The following SLFN12L variants were observed in gnomAD, a reference collection of about 807,000 sequenced individuals.
SLFN12L encodes the protein schlafen family member 12 like.
A neutral mutation model predicts 34.8 loss-of-function variants in SLFN12L; 34 were observed. The observed-to-expected ratio is 0.98, with a 90% CI of 0.74 to 1.30. The LOEUF is 1.30. SLFN12L is among the 50% of genes most tolerant of loss of function. SLFN12L has a pLI of 0.00. For synonymous variants in SLFN12L, 259 were observed against 247.5 expected (o/e 1.05, Z -0.44); for missense variants, 703 against 696.2 (o/e 1.01, Z -0.11).
In SLFN12L at chr17:35,522,615, T is replaced by G; in HGVS notation, c.-251A>C. ...ACGCAGGGTAATCCATCGGAGACAC[T>G]GCAGCCTCCAAAGCCTCTGCGCTGC... On this transcript the variant is annotated 5_prime_UTR_variant, in exon 2 of 5. Transcript: ENST00000628453. The G allele has an allele frequency of 6.2e-7, 1 of 1,611,482 alleles. No individual in the cohort carries two copies.
chr17:35,505,935 A>T (rs918917499), intron 2 of SLFN12L, among the ~76,000 whole-genome samples: 3 of 152,208 alleles, frequency 2.0e-5, no homozygotes, highest in Admixed American at 6.5e-5. Flanking sequence ...ATCAAGTCAC[A>T]GAGGTAGGAC....
intron 2 of SLFN12L, among the ~76,000 whole-genome samples, chr17:35,485,107 GT>G (rs1306811297): frequency 6.6e-6 from 1 of 152,058 alleles, no homozygotes; most frequent in Non-Finnish European, 1.5e-5. Flanking sequence ...TTTTAGTTGA[GT>G]TTTTTCTTTC....
At chr17:35,521,111 C>A (rs1171043435) in intron 2 of SLFN12L, among the ~76,000 whole-genome samples, 1 of 152,188 alleles carries the variant, frequency 6.6e-6, no homozygotes, top group African/African-American at 2.4e-5. Context: ...AAGGGACATT[C>A]TACAAAGTGC....
intron 2 of SLFN12L, among the ~76,000 whole-genome samples, chr17:35,520,467 G>A (rs538860128): frequency 6.6e-6 from 1 of 152,214 alleles, no homozygotes; most frequent in Non-Finnish European, 1.5e-5. Flanking sequence ...TCTACTGGCT[G>A]GGCACGATGG....
At chr17:35,518,707 G>A (rs902253626) in intron 2 of SLFN12L, among the ~76,000 whole-genome samples, 16 of 152,200 alleles carry the variant, frequency 1.1e-4, no homozygotes, top group African/African-American at 3.4e-4. Context: ...AACAGATGCT[G>A]GAGAGGATGT....
Position 35,479,457 on chromosome 17 carries a change from A to G in SLFN12L, c.825T>C (p.Asp275=). 6.2e-7 allele frequency: 1 copy of G among 1,614,176 alleles called. No homozygotes were observed. Among genetic ancestry groups the G allele is most frequent in the South Asian group, 1.1e-5 (1 of 91,066 alleles). ...PQYVSAFANT[D]GGYLFVGLNE... ...TTAGACCAACGAATAAATATCCTCC[A>G]TCAGTATTTGCAAATGCAGAAACAT... Residue 275 remains aspartate (D), a synonymous_variant, in exon 3 of 5, where the codon GAT becomes GAC. Transcript: ENST00000628453.
chr17:35,513,200 T>C (rs190494525), intron 2 of SLFN12L, among the ~76,000 whole-genome samples: 79 of 152,294 alleles, frequency 5.2e-4, no homozygotes, highest in African/African-American at 1.4e-3. Context: ...GGGATAAGGA[T>C]GGCAAACCCA....
In SLFN12L at chr17:35,476,786, C is replaced by CA. The variant is rs34696569; in HGVS notation, c.1276+1288dup. On this transcript the variant is annotated intron_variant, in intron 4 of 4. Coordinates refer to ENST00000628453, the MANE Select transcript of SLFN12L (RefSeq NM_001363830.2). ...AAGTTATCACTGGTGTTCTGTCTGC[C>CA]AAAAAAAAAAAAAATGTGTAACCCT... 7.0e-3 allele frequency among the ~76,000 whole-genome samples: 993 copies of CA among 141,272 alleles called. 11 individuals carry two copies. Among genetic ancestry groups the CA allele is most frequent in the African/African-American group, 0.021 (798 of 38,824 alleles). 92.7% of individuals were successfully genotyped at this position (141,272 alleles called of 152,430 possible).
At chr17:35,491,274 A>AT (rs1471888739) in intron 2 of SLFN12L, 6 of 826,858 alleles carry the variant, frequency 7.3e-6, no homozygotes, top group Non-Finnish European at 9.4e-6. Flanking sequence ...TTAAAAACCA[A>AT]TTTTTTTAAA....
In SLFN12L at chr17:35,513,526, G is replaced by A. The variant is rs137928399; in HGVS notation, c.86+8753C>T. 3.8e-3 allele frequency among the ~76,000 whole-genome samples: 582 copies of A among 152,258 alleles called. 1 individual carries two copies. The highest frequency in any genetic ancestry group is 6.5e-3 in the Non-Finnish European group (441 of 68,016). Reference sequence around the variant, plus strand: ...AGAAATGCTGCTCAGTTCGACAGATGCCACCAAGTACCAACAGATGCCACC... The same window carrying A: ...AGAAATGCTGCTCAGTTCGACAGATACCACCAAGTACCAACAGATGCCACC... On this transcript the variant is annotated intron_variant, in intron 2 of 4. Coordinates refer to ENST00000628453, the MANE Select transcript of SLFN12L (RefSeq NM_001363830.2).
intron 1 of SLFN12L, 49 bp from the exon 2 acceptor site, chr17:35,523,018 G>C (rs1597880357): frequency 2.4e-6 from 1 of 416,712 alleles, no homozygotes; most frequent in East Asian, 3.8e-5. Flanking sequence ...GAATCATACT[G>C]ATTATGACAA....
In SLFN12L at chr17:35,476,418, T is replaced by C. The variant is rs1914006475; in HGVS notation, c.1277-933A>G. On this transcript the variant is annotated intron_variant, in intron 4 of 4. Coordinates refer to ENST00000628453, the MANE Select transcript of SLFN12L (RefSeq NM_001363830.2). ...GAGTTTGAGACCAGCCTGGGCAATA[T>C]GGTGAAACCCTGTCACAAAAAGAAA... is the stretch of plus-strand genomic sequence containing the variant. Among the ~76,000 whole-genome samples the C allele has an allele frequency of 2.1e-5, 3 of 143,064 alleles. No individual in the cohort carries two copies. In the South Asian group the frequency reaches 6.4e-4, roughly 31 times the overall value. The allele number at this position is 143,064 out of a possible 152,430, so 93.9% of individuals were successfully genotyped here.
At chr17:35,510,472 C>G (rs1371771134) in intron 2 of SLFN12L, among the ~76,000 whole-genome samples, 1 of 152,180 alleles carries the variant, frequency 6.6e-6, no homozygotes, top group Non-Finnish European at 1.5e-5. Flanking sequence ...AACTTGAAAA[C>G]TTTATGTTAC....
chr17:35,522,565 T>C lies in SLFN12L; in HGVS notation c.-201A>G. ...AGGGACTGCAGCAGGGCTTCCAATG[T>C]GCTGGGTGCCTGCAAAACTATAGGA... On this transcript the variant is annotated 5_prime_UTR_variant, in exon 2 of 5. Transcript: ENST00000628453. 6.2e-6 allele frequency: 10 copies of C among 1,609,320 alleles called. No homozygotes were observed. Among genetic ancestry groups the C allele is most frequent in the East Asian group, 2.2e-5 (1 of 44,884 alleles).
intron 2 of SLFN12L, among the ~76,000 whole-genome samples, chr17:35,504,127 T>C (rs574124473): frequency 1.7e-4 from 26 of 152,360 alleles, no homozygotes; most frequent in African/African-American, 6.0e-4. Flanking sequence ...TTATACCCTG[T>C]GGGGACTTGC....
intron 2 of SLFN12L, among the ~76,000 whole-genome samples, chr17:35,502,461 C>T (rs1194920298): frequency 8.3e-6 from 1 of 120,274 alleles, no homozygotes; most frequent in African/African-American, 3.1e-5. Flanking sequence ...TTAACATTAA[C>T]CACTGAAAAT....
intron 1 of SLFN12L, among the ~76,000 whole-genome samples, chr17:35,533,151 C>T (rs1198664786): frequency 1.3e-5 from 2 of 152,140 alleles, no homozygotes; most frequent in Non-Finnish European, 2.9e-5. Flanking sequence ...CTCTACAACC[C>T]TTTCAAGTTG....
At chr17:35,502,431 A>AAAAC (rs1555543230) in intron 2 of SLFN12L, among the ~76,000 whole-genome samples, 53 of 148,598 alleles carry the variant, frequency 3.6e-4, no homozygotes, top group African/African-American at 1.2e-3. Context: ...AAAAAAAAAA[A>AAAAC]AAAAAAAAAA....
intron 2 of SLFN12L, among the ~76,000 whole-genome samples, chr17:35,481,497 C>T (rs1914335964): frequency 6.6e-6 from 1 of 152,234 alleles, no homozygotes; most frequent in Non-Finnish European, 1.5e-5. Flanking sequence ...GAAATAATGG[C>T]ATAAGCCGTG....
Sources: allele counts gnomAD v4.1 joint callset (sites outside exome capture counted in the v4.1 genomes callset), GRCh38; gene constraint gnomAD v4.1.1; transcripts MANE v1.5; gene names NCBI Gene and HGNC (gene_info 2026-07-23, HGNC 2026-07-21).